Variants in ATP2B2 observed in about 807,000 individuals in gnomAD.
ATP2B2 encodes the protein ATPase plasma membrane Ca2+ transporting 2.
Under a neutral mutation model 120.0 loss-of-function variants are expected in ATP2B2, and 15 were observed. That is an observed-to-expected ratio of 0.12 (90% CI 0.08 to 0.19). The LOEUF (loss-of-function observed/expected upper bound fraction) is 0.19. Among genes scored for constraint, ATP2B2 ranks in the 10% least tolerant of loss-of-function variants. The probability of loss-of-function intolerance (pLI) is 1.00; values close to 1 mark genes in which losing one functional copy is unlikely to be tolerated. For missense variants in ATP2B2, 1,045 were observed against 1,719.8 expected, an observed-to-expected ratio of 0.61 and a Z score of 6.94; for synonymous variants, 694 against 700.3, an observed-to-expected ratio of 0.99 and a Z score of 0.14.
intron 2 of ATP2B2, among the ~76,000 whole-genome samples, chr3:10,437,339 C>G (rs1490946377): frequency 6.6e-6 from 1 of 152,170 alleles, no homozygotes; most frequent in African/African-American, 2.4e-5. Context: ...TGTGTTGACT[C>G]ACATCAGCTC....
chr3:10,379,800 G>C (rs1292585611), intron 8 of ATP2B2, among the ~76,000 whole-genome samples: 1 of 149,450 alleles, frequency 6.7e-6, no homozygotes, highest in African/African-American at 2.4e-5. Context: ...AGAGAGAGGA[G>C]AGAGTGTTTC....
intron 2 of ATP2B2, among the ~76,000 whole-genome samples, chr3:10,603,790 A>G (rs1365986021): frequency 2.0e-5 from 3 of 152,048 alleles, no homozygotes. Flanking sequence ...CTTCTCCTTC[A>G]GTCTTTCCAG....
chr3:10,509,682 A>G (rs1331318874), upstream of ATP2B2, among the ~76,000 whole-genome samples: 8 of 152,298 alleles, frequency 5.3e-5, no homozygotes, highest in African/African-American at 1.9e-4. Context: ...CGGGCCGTGG[A>G]CTGTGGATCC....
At position 10,328,554 on chromosome 3, in the gene ATP2B2, CTT is replaced by C; in HGVS notation, c.*258_*259del. 1 of 456,786 alleles carries C rather than the reference CTT, an allele frequency of 2.2e-6. No individual in the cohort carries two copies. The highest frequency in any genetic ancestry group is 3.9e-6 in the Non-Finnish European group (1 of 255,618). The allele number at this position is 456,786 out of a possible 1,614,324, so 28.3% of individuals were successfully genotyped here. A position where few individuals can be genotyped will look rare whatever the true frequency, so the allele number is the denominator to read the frequency against. On this transcript the variant is annotated 3_prime_UTR_variant, in exon 23 of 23. Transcript: ENST00000360273. The stretch of plus-strand genomic sequence containing the variant: ...ATGTCTGGGTGGGAGCCAGGAAGGG[CTT>C]GTTTTGGGAAAACCGCTCACTCCCG...
At chr3:10,537,485 T>C (rs1404018088) in intron 2 of ATP2B2, among the ~76,000 whole-genome samples, 1 of 151,738 alleles carries the variant, frequency 6.6e-6, no homozygotes, top group East Asian at 1.9e-4. Flanking sequence ...GGTGTCCACG[T>C]ATCCATTGCT....
chr3:10,485,436 T>G (rs1221608796), intron 1 of ATP2B2, among the ~76,000 whole-genome samples: 2 of 152,076 alleles, frequency 1.3e-5, no homozygotes, highest in African/African-American at 4.8e-5. Flanking sequence ...GGTGGGGGAT[T>G]GCGGGAGCTC....
chr3:10,576,260 T>G (rs2068244537), intron 2 of ATP2B2, among the ~76,000 whole-genome samples: 1 of 152,196 alleles, frequency 6.6e-6, no homozygotes, highest in Non-Finnish European at 1.5e-5. Flanking sequence ...AGAACGTCCT[T>G]GCAGGCATGA....
intron 2 of ATP2B2, among the ~76,000 whole-genome samples, chr3:10,599,457 C>T (rs920965251): frequency 3.3e-5 from 5 of 152,196 alleles, no homozygotes; most frequent in African/African-American, 1.2e-4. Context: ...TCACCTTGTT[C>T]TCCCAGTGCA....
chr3:10,502,421 A>C (rs1316848653), intron 1 of ATP2B2, among the ~76,000 whole-genome samples: 2 of 152,206 alleles, frequency 1.3e-5, no homozygotes, highest in Admixed American at 1.3e-4. Context: ...CAGGGCTCTC[A>C]TACTTTCCAC....
In ATP2B2 at chr3:10,431,127, C is replaced by A. The variant is rs115233015; in HGVS notation, c.199+18218G>T. On this transcript the variant is annotated intron_variant, in intron 2 of 22. Coordinates refer to ENST00000360273, the MANE Select transcript of ATP2B2 (RefSeq NM_001001331.4). ...TTCTTATGAATGAGCAAAGTGATTT[C>A]TTGAGCTGGAATCTATTTTGGGTAA... Among the ~76,000 whole-genome samples the A allele has an allele frequency of 6.5e-3, 995 of 152,176 alleles. 19 individuals carry two copies. Among genetic ancestry groups the A allele is most frequent in the African/African-American group, 0.022 (919 of 41,528 alleles).
intron 2 of ATP2B2, among the ~76,000 whole-genome samples, chr3:10,449,058 T>A (rs1408812759): frequency 1.3e-5 from 2 of 152,214 alleles, no homozygotes. Context: ...CTCGCCACTC[T>A]GCGGCTGTGG....
rs959475574 is a variant in ATP2B2, at chr3:10,328,498, C to T, written c.*316G>A. Reference sequence around the variant, plus strand: ...GTGTACAGTACATTCATGCGGGGGACGTGGTGGCTGGGCGGGTGCATGGCT... The same window carrying T: ...GTGTACAGTACATTCATGCGGGGGATGTGGTGGCTGGGCGGGTGCATGGCT... On this transcript the variant is annotated 3_prime_UTR_variant, in exon 23 of 23. Coordinates refer to ENST00000360273, the MANE Select transcript of ATP2B2 (RefSeq NM_001001331.4). 3.2e-5 allele frequency: 12 copies of T among 380,108 alleles called. No homozygotes were observed. Among genetic ancestry groups the T allele is most frequent in the African/African-American group, 1.9e-4 (9 of 48,488 alleles). 23.5% of individuals were successfully genotyped at this position (380,108 alleles called of 1,614,324 possible). A position where few individuals can be genotyped will look rare whatever the true frequency, so the allele number is the denominator to read the frequency against.
intron 1 of ATP2B2, among the ~76,000 whole-genome samples, chr3:10,658,898 G>A (rs972147360): frequency 5.3e-5 from 8 of 152,004 alleles, no homozygotes; most frequent in African/African-American, 1.2e-4. Flanking sequence ...CGGATCTCTC[G>A]GCAGAAACTC....
intron 1 of ATP2B2, among the ~76,000 whole-genome samples, chr3:10,625,449 C>T (rs147202169): frequency 5.9e-5 from 9 of 152,208 alleles, no homozygotes; most frequent in South Asian, 2.1e-4. Flanking sequence ...CCCTGGCTCC[C>T]GCTGAACTAC....
chr3:10,529,648 G>A (rs1575463591), intron 3 of ATP2B2, among the ~76,000 whole-genome samples: 1 of 152,180 alleles, frequency 6.6e-6, no homozygotes, highest in East Asian at 1.9e-4. Flanking sequence ...AAATCATTAT[G>A]ATAGGGATAA....
intron 1 of ATP2B2, among the ~76,000 whole-genome samples, chr3:10,459,040 C>T (rs190165554): frequency 6.6e-6 from 1 of 152,336 alleles, no homozygotes; most frequent in East Asian, 1.9e-4. Context: ...GGCTTCCCTG[C>T]TGCTGCCTTG....
chr3:10,351,156 CCT>C (rs1222635303), intron 14 of ATP2B2, among the ~76,000 whole-genome samples: 1 of 152,188 alleles, frequency 6.6e-6, no homozygotes, highest in African/African-American at 2.4e-5. Context: ...TAGGTTCTGT[CCT>C]CTCTGACTGT....
chr3:10,621,909 T>C (rs539546704), intron 1 of ATP2B2, among the ~76,000 whole-genome samples: 1 of 152,326 alleles, frequency 6.6e-6, no homozygotes, highest in South Asian at 2.1e-4. Context: ...GCTGGCCCTG[T>C]GCAGAAGCCC....
At chr3:10,706,243 C>A (rs2071894216) in intron 1 of ATP2B2, among the ~76,000 whole-genome samples, 1 of 152,196 alleles carries the variant, frequency 6.6e-6, no homozygotes, top group Non-Finnish European at 1.5e-5. Flanking sequence ...TCCTCTGTTG[C>A]CAATAGTACC....
Sources: gnomAD v4.1 joint callset for allele counts (sites outside exome capture counted in the v4.1 genomes callset) on GRCh38, gnomAD v4.1.1 for gene constraint, MANE v1.5 for transcripts, NCBI Gene and HGNC (gene_info 2026-07-23, HGNC 2026-07-21) for gene names.